The following HS6ST3 variants were observed in gnomAD, a reference collection of about 807,000 sequenced individuals.
HS6ST3 encodes heparan sulfate 6-O-sulfotransferase 3.
In HS6ST3, 12 loss-of-function variants were observed where a neutral mutation model predicts 36.7. The observed-to-expected ratio is 0.33, with a 90% confidence interval of 0.21 to 0.53. HS6ST3 has a LOEUF of 0.53. Among genes scored for constraint, HS6ST3 ranks in the 20% least tolerant of loss-of-function variants. HS6ST3 has a pLI of 0.95. For synonymous variants in HS6ST3, 240 were observed against 257.5 expected, an observed-to-expected ratio of 0.93 and a Z score of 0.65; for missense variants, 584 against 640.9, an observed-to-expected ratio of 0.91 and a Z score of 0.96.
intron 1 of HS6ST3, among the ~76,000 whole-genome samples, chr13:96,313,053 T>C (rs1309759782): frequency 6.6e-6 from 1 of 152,038 alleles, no homozygotes; most frequent in African/African-American, 2.4e-5. Context: ...AAAATATTTA[T>C]TGCCTTAAAA....
At chr13:96,640,242 T>G (rs2056565660) in intron 1 of HS6ST3, among the ~76,000 whole-genome samples, 1 of 152,040 alleles carries the variant, frequency 6.6e-6, no homozygotes, top group Non-Finnish European at 1.5e-5. Flanking sequence ...ATTTTTTGAT[T>G]TTTTAATGAT....
chr13:96,449,958 A>G (rs927186341), intron 1 of HS6ST3, among the ~76,000 whole-genome samples: 1 of 152,232 alleles, frequency 6.6e-6, no homozygotes, highest in Non-Finnish European at 1.5e-5. Flanking sequence ...AATTTGACTT[A>G]TGAAAACTAC....
At chr13:96,146,379 T>C (rs1426767440) in intron 1 of HS6ST3, among the ~76,000 whole-genome samples, 2 of 152,322 alleles carry the variant, frequency 1.3e-5, no homozygotes, top group Middle Eastern at 3.4e-3. Flanking sequence ...ACATCCCTTG[T>C]AAGTTGTATT....
At chr13:96,093,302 A>G (rs747486792) in intron 1 of HS6ST3, among the ~76,000 whole-genome samples, 1 of 152,244 alleles carries the variant, frequency 6.6e-6, no homozygotes, top group Non-Finnish European at 1.5e-5. Flanking sequence ...AGGATGTGGA[A>G]TCTAAAAATA....
intron 1 of HS6ST3, among the ~76,000 whole-genome samples, chr13:96,547,296 A>C (rs950747320): frequency 1.3e-5 from 2 of 152,128 alleles, no homozygotes; most frequent in Admixed American, 6.6e-5. Context: ...CAGGACATCA[A>C]CTTGGTACCA....
chr13:96,809,709 T>C lies in HS6ST3; in HGVS notation c.708-22781T>C, dbSNP rs568244048. 2.6e-5 allele frequency among the ~76,000 whole-genome samples: 4 copies of C among 152,318 alleles called. No individual in the cohort carries two copies. In the East Asian group the frequency reaches 7.7e-4, roughly 29 times the overall value. On this transcript the variant is annotated intron_variant, in intron 1 of 1. Transcript: ENST00000376705. ...TTATTTATCTTGGTACCCCAGGCGC[T>C]TAATTCCTCTGCATAGGAGGCAGAA...
In HS6ST3 at chr13:96,739,621, C is replaced by T. The variant is rs188045519; in HGVS notation, c.708-92869C>T. On this transcript the variant is annotated intron_variant, in intron 1 of 1. Coordinates refer to ENST00000376705, the MANE Select transcript of HS6ST3 (RefSeq NM_153456.4). ...GTCTGTTCTTGTGACACTGCCTGTC[C>T]AGTACATCCAGAATCGGACCATTTC... is the stretch of plus-strand genomic sequence containing the variant. 3.9e-5 allele frequency among the ~76,000 whole-genome samples: 6 copies of T among 152,210 alleles called. No homozygotes were observed. In the East Asian group the frequency reaches 1.2e-3, roughly 30 times the overall value.
chr13:96,383,256 A>C (rs2055350576), intron 1 of HS6ST3, among the ~76,000 whole-genome samples: 1 of 152,214 alleles, frequency 6.6e-6, no homozygotes, highest in Non-Finnish European at 1.5e-5. Context: ...GTTCGAGACC[A>C]GCCTGGGCAA....
intron 1 of HS6ST3, among the ~76,000 whole-genome samples, chr13:96,135,693 G>A (rs145489999): frequency 4.6e-5 from 7 of 152,316 alleles, no homozygotes; most frequent in Admixed American, 2.6e-4. Flanking sequence ...TAATAGGGCC[G>A]TTGTTAGGGA....
chr13:96,630,144 T>C (rs2139000333), intron 1 of HS6ST3, among the ~76,000 whole-genome samples: 1 of 152,368 alleles, frequency 6.6e-6, no homozygotes, highest in South Asian at 2.1e-4. Flanking sequence ...TCTGGGAGCA[T>C]GTGAAACATA....
chr13:96,097,585 C>T (rs925406457), intron 1 of HS6ST3, among the ~76,000 whole-genome samples: 4 of 151,886 alleles, frequency 2.6e-5, no homozygotes, highest in Admixed American at 2.6e-4. Context: ...TTTTAATTGG[C>T]CAAATTAATG....
At chr13:96,750,209 TA>T (rs902494756) in intron 1 of HS6ST3, among the ~76,000 whole-genome samples, 6 of 152,188 alleles carry the variant, frequency 3.9e-5, no homozygotes, top group African/African-American at 1.4e-4. Context: ...TGGCATTTGG[TA>T]AAAAAACTCA....
At chr13:96,451,724 G>T (rs472010) in intron 1 of HS6ST3, among the ~76,000 whole-genome samples, 104,024 of 152,034 alleles carry the variant, frequency 0.68, 37,379 homozygotes, top group African/African-American at 0.91. Context: ...CTGCTTGTAC[G>T]CTGCAAATTA....
At chr13:96,621,879 G>C (rs2056496389) in intron 1 of HS6ST3, among the ~76,000 whole-genome samples, 1 of 152,188 alleles carries the variant, frequency 6.6e-6, no homozygotes, top group African/African-American at 2.4e-5. Flanking sequence ...GGAATTGTGA[G>C]GTGTCTCACC....
intron 1 of HS6ST3, among the ~76,000 whole-genome samples, chr13:96,376,362 T>C (rs1318852371): frequency 6.6e-6 from 1 of 152,164 alleles, no homozygotes; most frequent in Admixed American, 6.6e-5. Context: ...GGTAAATAGA[T>C]GAATGCTTGG....
Position 96,627,819 on chromosome 13 carries a change from G to A in HS6ST3, c.708-204671G>A, listed in dbSNP as rs368945503. On this transcript the variant is annotated intron_variant, in intron 1 of 1. Coordinates refer to ENST00000376705, the MANE Select transcript of HS6ST3 (RefSeq NM_153456.4). ...ATTTCAAGTGTATTAGCATAAATGT[G>A]TTTATAATATCCTTTTATTACCTTT... Among the ~76,000 whole-genome samples, 11 of 151,810 alleles carry A rather than the reference G, an allele frequency of 7.2e-5. No homozygotes were observed. In the South Asian group the frequency reaches 2.1e-3, roughly 29 times the overall value.
chr13:96,652,647 A>G (rs1408452565), intron 1 of HS6ST3, among the ~76,000 whole-genome samples: 2 of 152,100 alleles, frequency 1.3e-5, no homozygotes, highest in African/African-American at 4.8e-5. Context: ...AGTGCATCAG[A>G]ACAAATTGTT....
chr13:96,697,066 T>A (rs1263314358), intron 1 of HS6ST3, among the ~76,000 whole-genome samples: 3 of 151,982 alleles, frequency 2.0e-5, no homozygotes, highest in Non-Finnish European at 4.4e-5. Context: ...ACTATTATAT[T>A]CAGGGAGATT....
chr13:96,370,733 G>A (rs904321801), intron 1 of HS6ST3, among the ~76,000 whole-genome samples: 71 of 152,086 alleles, frequency 4.7e-4, no homozygotes, highest in Admixed American at 6.6e-5. Context: ...CCAACATGGC[G>A]AAACTCTGTC....
Sources: allele counts gnomAD v4.1 joint callset (sites outside exome capture counted in the v4.1 genomes callset), GRCh38; gene constraint gnomAD v4.1.1; transcripts MANE v1.5; gene names NCBI Gene and HGNC (gene_info 2026-07-23, HGNC 2026-07-21).